Variants in CTTN observed in about 807,000 individuals in gnomAD.
The protein encoded by CTTN is cortactin, also known as src substrate cortactin.
Under a neutral mutation model 84.0 loss-of-function variants are expected in CTTN, and 28 were observed. The observed-to-expected ratio is 0.33, with a 90% CI of 0.25 to 0.46. CTTN has a LOEUF of 0.46. Among genes scored for constraint, CTTN ranks in the 20% least tolerant of loss-of-function variants. The pLI is 1.00. For synonymous variants in CTTN, 301 were observed against 288.8 expected (o/e 1.04, Z -0.43); for missense variants, 641 against 723.8 (o/e 0.89, Z 1.31).
rs764122868 is a variant in CTTN at position 70,433,107 on chromosome 11, G to A, written c.1273G>A (p.Ala425Thr). 2.6e-5 allele frequency: 42 copies of A among 1,613,102 alleles called. No individual in the cohort carries two copies. The highest frequency in any genetic ancestry group is 1.6e-4 in the Middle Eastern group (1 of 6,072). ...LPSSPVYEDA[A>T]SFKAELSYRG... The stretch of plus-strand genomic sequence containing the variant: ...GCGTGTGACCCTTCCCCAGGATGCG[G>A]CTTCCTTCAAGGCAGAGCTGAGCTA... The change falls in exon 16 of 18, where the codon GCT becomes ACT. Residue 425 changes from alanine to threonine, a missense_variant. This residue lies in a region of CTTN where 289 missense variants were observed against 273.1 expected (regional missense o/e 1.06). Transcript: ENST00000301843.
chr11:70,404,770 A>G (rs2058023805), intron 1 of CTTN, among the ~76,000 whole-genome samples: 1 of 152,230 alleles, frequency 6.6e-6, no homozygotes, highest in Non-Finnish European at 1.5e-5. Flanking sequence ...TGGGAGGCCA[A>G]GGCAGGCGGA....
intron 1 of CTTN, among the ~76,000 whole-genome samples, chr11:70,399,947 CT>C (rs2057957237): frequency 6.6e-6 from 1 of 152,234 alleles, no homozygotes; most frequent in Non-Finnish European, 1.5e-5. Flanking sequence ...CCGCCTGCCC[CT>C]GTCTCCATTC....
At chr11:70,427,977 G>A (rs992198725) in intron 13 of CTTN, among the ~76,000 whole-genome samples, 2 of 152,110 alleles carry the variant, frequency 1.3e-5, no homozygotes. Flanking sequence ...ACTGTTGCCA[G>A]ATACCCAGCT....
intron 2 of CTTN, among the ~76,000 whole-genome samples, chr11:70,405,712 G>C (rs530381231): frequency 2.6e-5 from 4 of 152,322 alleles, no homozygotes; most frequent in East Asian, 3.9e-4. Flanking sequence ...GCTGTGTCCG[G>C]GAAGATGAGC....
intron 4 of CTTN, 54 bp from the exon 5 acceptor site, chr11:70,409,777 A>C (rs1330993099): frequency 6.3e-7 from 1 of 1,590,168 alleles, no homozygotes; most frequent in East Asian, 2.2e-5. Flanking sequence ...ACCAGGAGGC[A>C]AAGCTGCACG....
chr11:70,429,137 G>A lies in CTTN; in HGVS notation c.1114G>A (p.Glu372Lys). 1.9e-6 allele frequency: 3 copies of A among 1,614,112 alleles called. No individual in the cohort carries two copies. Among genetic ancestry groups the A allele is most frequent in the Non-Finnish European group, 2.5e-6 (3 of 1,180,044 alleles). Residue 372 changes from glutamate to lysine, a missense_variant, in exon 14 of 18, where the codon GAG becomes AAG. Around this residue, in one of 3 missense-constraint regions of CTTN, gnomAD observed 289 missense variants for 273.1 expected, o/e 1.06. Coordinates refer to ENST00000301843, the MANE Select transcript of CTTN (RefSeq NM_005231.4). ...GGAGGACAGGCGGAAGGCGGAGGCG[G>A]AGAGAGCCCAGCGGATGGCCAAGGA... ...EQEDRRKAEA[E>K]RAQRMAKERQ... is the part of the protein sequence containing the mutation.
chr11:70,430,483 C>T (rs1378533253), intron 14 of CTTN, among the ~76,000 whole-genome samples: 1 of 152,200 alleles, frequency 6.6e-6, no homozygotes, highest in African/African-American at 2.4e-5. Context: ...GTCACCGCCC[C>T]TCCTCTGTCC....
At chr11:70,400,302 C>G (rs934418728) in intron 1 of CTTN, among the ~76,000 whole-genome samples, 3 of 152,076 alleles carry the variant, frequency 2.0e-5, no homozygotes, top group Non-Finnish European at 4.4e-5. Flanking sequence ...GACCTTGTGT[C>G]TACAAAAAAA....
chr11:70,415,087 G>T (rs981468162), intron 6 of CTTN, among the ~76,000 whole-genome samples: 1 of 152,088 alleles, frequency 6.6e-6, no homozygotes, highest in Non-Finnish European at 1.5e-5. Flanking sequence ...GATTCTCTTC[G>T]GCTCGGGTCT....
chr11:70,433,754 CA>C (rs2058382671), intron 17 of CTTN, 36 bp downstream of exon 17: 5 of 1,401,510 alleles, frequency 3.6e-6, no homozygotes, highest in Non-Finnish European at 5.1e-6. Context: ...AGGGGAGACC[CA>C]GGCAGCTGCG....
intron 2 of CTTN, among the ~76,000 whole-genome samples, chr11:70,406,228 AT>A (rs1231482449): frequency 2.0e-5 from 3 of 152,300 alleles, no homozygotes; most frequent in Middle Eastern, 6.8e-3. Context: ...CGCTGCCCTG[AT>A]TGGTCCCTCA....
intron 2 of CTTN, 59 bp from the exon 3 acceptor site, chr11:70,407,236 TCTG>T: frequency 7.1e-7 from 1 of 1,408,216 alleles, no homozygotes; most frequent in Non-Finnish European, 9.8e-7. Flanking sequence ...AAAGGGCTCA[TCTG>T]CTGGCCTCTG....
intron 13 of CTTN, among the ~76,000 whole-genome samples, chr11:70,428,225 G>A (rs967218048): frequency 7.5e-6 from 1 of 133,496 alleles, no homozygotes; most frequent in Admixed American, 8.8e-5. Context: ...GAGTGCAGTG[G>A]CACAATCTCG....
chr11:70,419,733 T>G lies in CTTN; in HGVS notation c.569-13T>G. On this transcript the variant is annotated splice_polypyrimidine_tract_variant and intron_variant, in intron 8 of 17. Transcript: ENST00000301843. ...TGCTCCTTTTAAAGTAGTCCTTTTT[T>G]GTTTGTTTTTAGATTACTCCAAAGG... 2 of 1,598,512 alleles carry G rather than the reference T, an allele frequency of 1.3e-6. No homozygotes were observed. The highest frequency in any genetic ancestry group is 1.7e-6 in the Non-Finnish European group (2 of 1,173,672).
intron 13 of CTTN, among the ~76,000 whole-genome samples, chr11:70,428,619 T>C (rs35754845): frequency 0.015 from 2,291 of 152,290 alleles, 28 homozygotes; most frequent in Non-Finnish European, 0.025. Flanking sequence ...CTGCCCTCTT[T>C]TCCATTTTTG....
Position 70,435,383 on chromosome 11 carries a change from T to C in CTTN, c.*221T>C. The C allele has an allele frequency of 6.7e-7, 1 of 1,485,634 alleles. No homozygotes were observed. The highest frequency in any genetic ancestry group is 1.7e-4 in the Middle Eastern group (1 of 5,742). 92.0% of individuals were successfully genotyped at this position (1,485,634 alleles called of 1,614,324 possible). ...AATTTGCTAATATATTGTAATCACA[T>C]TCCTTAGGAGGACTTTGGTAATTGG... On this transcript the variant is annotated 3_prime_UTR_variant, in exon 18 of 18. Coordinates refer to ENST00000301843, the MANE Select transcript of CTTN (RefSeq NM_005231.4).
intron 12 of CTTN, 152 bp downstream of exon 12, chr11:70,423,147 C>A (rs956419801): frequency 2.1e-6 from 2 of 969,202 alleles, no homozygotes; most frequent in Admixed American, 4.7e-5. Context: ...CTGACTCGGA[C>A]AGTCTTGTGC....
At chr11:70,418,985 C>T (rs1170979250) in intron 8 of CTTN, among the ~76,000 whole-genome samples, 1 of 151,618 alleles carries the variant, frequency 6.6e-6, no homozygotes, top group Non-Finnish European at 1.5e-5. Context: ...CCATGTTGCC[C>T]AGGATGGTCT....
chr11:70,415,735 C>G lies in CTTN; in HGVS notation c.457+18C>G, dbSNP rs1413571481. The G allele has an allele frequency of 6.2e-7, 1 of 1,613,696 alleles. No individual in the cohort carries two copies. Among genetic ancestry groups the G allele is most frequent in the East Asian group, 2.2e-5 (1 of 44,882 alleles). On this transcript the variant is annotated intron_variant, in intron 7 of 17. Transcript: ENST00000301843. The stretch of plus-strand genomic sequence containing the variant: ...CCAGAAAGGTAAGACGCGAAAGGTG[C>G]AGAAAGAGCCCGCTCCGGGGGCCCC...
Sources: gnomAD v4.1 joint callset for allele counts (sites outside exome capture counted in the v4.1 genomes callset) on GRCh38, gnomAD v4.1.1 for gene constraint, gnomAD v4.1.1 regional missense constraint, MANE v1.5 for transcripts, NCBI Gene and HGNC (gene_info 2026-07-23, HGNC 2026-07-21) for gene names.